The following ADAMTS13 variants were observed in gnomAD, a reference collection of about 807,000 sequenced individuals.
ADAMTS13 encodes A disintegrin and metalloproteinase with thrombospondin motifs 13.
A neutral mutation model predicts 155.1 loss-of-function variants in ADAMTS13; 110 were observed. The observed-to-expected ratio is 0.71, with a 90% CI of 0.61 to 0.83. The LOEUF is 0.83. ADAMTS13 is among the 40% of genes least tolerant of loss of function. ADAMTS13 has a pLI of 0.00. For missense variants in ADAMTS13, 1,707 were observed against 1,891.7 expected (o/e 0.90, Z 1.81); for synonymous variants, 758 against 756.4 (o/e 1.00, Z -0.03).
At chr9:133,426,533 T>C (rs1378995074) in intron 6 of ADAMTS13, among the ~76,000 whole-genome samples, 188 bp downstream of exon 6, 2 of 152,196 alleles carry the variant, frequency 1.3e-5, no homozygotes, top group South Asian at 4.1e-4. Context: ...GAACTTTTTT[T>C]CCAAAAGACG....
rs896530767 is a variant in ADAMTS13 at position 133,445,336 on chromosome 9, C to T, written c.2610+284C>T. 1.3e-5 allele frequency among the ~76,000 whole-genome samples: 2 copies of T among 152,202 alleles called. No homozygotes were observed. Among genetic ancestry groups the T allele is most frequent in the Admixed American group, 6.5e-5 (1 of 15,292 alleles). On this transcript the variant is annotated intron_variant, in intron 20 of 28. Transcript: ENST00000355699. The surrounding 1 kb of genome is among the most constrained non-coding windows in gnomAD (Gnocchi z 5.0). ...GAAATGCTGCCAGGCTCCCGCCTGG[C>T]GTCCAGGGGCTGGAGGCTGACTGGC...
At position 133,445,391 on chromosome 9, in the gene ADAMTS13, C is replaced by G. The variant is rs782545534; in HGVS notation, c.2611-308C>G. On this transcript the variant is annotated intron_variant, in intron 20 of 28. Coordinates refer to ENST00000355699, the MANE Select transcript of ADAMTS13 (RefSeq NM_139027.6). The surrounding 1 kb of genome is among the most constrained non-coding windows in gnomAD (Gnocchi z 5.0). Reference sequence around the variant, plus strand: ...CTCTCTGGCCTGGGTGCTGGCAACCCTCGCCCCTCATGGCTGGGGGGATTG... The same window carrying G: ...CTCTCTGGCCTGGGTGCTGGCAACCGTCGCCCCTCATGGCTGGGGGGATTG... Among the ~76,000 whole-genome samples, 1 of 152,172 alleles carries G rather than the reference C, an allele frequency of 6.6e-6. No individual in the cohort carries two copies. Among genetic ancestry groups the G allele is most frequent in the South Asian group, 2.1e-4 (1 of 4,828 alleles).
chr9:133,432,606 T>A lies in ADAMTS13; in HGVS notation c.1006T>A (p.Ser336Thr). 6.4e-7 allele frequency: 1 copy of A among 1,553,848 alleles called. No homozygotes were observed. The highest frequency in any genetic ancestry group is 8.7e-7 in the Non-Finnish European group (1 of 1,148,484). The part of the protein sequence containing the change: ...REHLDMCQAL[S>T]CHTDPLDQSS... ...CTCCTAGGATATGTGCCAGGCCCTCTCCTGCCACACAGACCCGCTGGACCA... is the reference window on the plus strand; with the variant it reads ...CTCCTAGGATATGTGCCAGGCCCTCACCTGCCACACAGACCCGCTGGACCA... The change falls in exon 9 of 29, where the codon TCC becomes ACC. Residue 336 changes from serine (S) to threonine (T), a missense_variant. By Grantham distance (58) the Ser-to-Thr change is moderately conservative (BLOSUM62 1). Around this residue, in one of 3 missense-constraint regions of ADAMTS13, gnomAD observed 733 missense variants for 749.6 expected, o/e 0.98. Coordinates refer to ENST00000355699, the MANE Select transcript of ADAMTS13 (RefSeq NM_139027.6).
chr9:133,447,979 T>C (rs910366924), intron 21 of ADAMTS13, among the ~76,000 whole-genome samples: 3 of 151,944 alleles, frequency 2.0e-5, no homozygotes, highest in Admixed American at 6.6e-5. Flanking sequence ...GATTTTCATA[T>C]TGTGATTTTT....
Position 133,433,704 on chromosome 9 carries a change from G to C in ADAMTS13, c.1308G>C (p.Gln436His), listed in dbSNP as rs587642546. 11 of 1,613,240 alleles carry C rather than the reference G, an allele frequency of 6.8e-6. No homozygotes were observed. The South Asian group carries it at 1.1e-4, about 16-fold the overall frequency. Residue 436 changes from glutamine to histidine, a missense_variant and splice_region_variant, in exon 11 of 29, where the codon CAG (glutamine) becomes CAC (histidine). Physicochemically the swap from Gln to His is conservative, Grantham distance 24. Coordinates refer to ENST00000355699, the MANE Select transcript of ADAMTS13 (RefSeq NM_139027.6). ...ADLQAEMCNT[Q>H]ACEKTQLEFM... ...TCCAGGCCGAGATGTGCAACACTCA[G>C]GTAGGCCTGCTTCCTGGGGTAGGAG...
intron 6 of ADAMTS13, among the ~76,000 whole-genome samples, chr9:133,428,141 A>G (rs1840405810): frequency 6.7e-6 from 1 of 149,500 alleles, no homozygotes; most frequent in African/African-American, 2.5e-5. Context: ...CTGTTGTGAC[A>G]GTTTGGAAAC....
At position 133,433,540 on chromosome 9, in the gene ADAMTS13, G is replaced by T; in HGVS notation, c.1244+11G>T. 1.9e-6 allele frequency: 3 copies of T among 1,613,700 alleles called. No homozygotes were observed. The highest frequency in any genetic ancestry group is 2.5e-6 in the Non-Finnish European group (3 of 1,179,986). ...GTGCAACAACCCCAGGTACCGCAGG[G>T]AGGGTGCTTTTCTGTCAGGGAGTGT... On this transcript the variant is annotated intron_variant, in intron 10 of 28. Coordinates refer to ENST00000355699, the MANE Select transcript of ADAMTS13 (RefSeq NM_139027.6).
intron 12 of ADAMTS13, among the ~76,000 whole-genome samples, chr9:133,437,158 T>C (rs1002474342): frequency 6.6e-6 from 1 of 152,140 alleles, no homozygotes; most frequent in Admixed American, 6.5e-5. Flanking sequence ...TGAGTCTCAA[T>C]TTCCCATCTG....
Position 133,442,428 on chromosome 9 carries a change from CA to C in ADAMTS13, c.2000del (p.Asn667ThrfsTer31). The C allele has an allele frequency of 2.5e-6, 4 of 1,613,906 alleles. No homozygotes were observed. Among genetic ancestry groups the C allele is most frequent in the Non-Finnish European group, 3.4e-6 (4 of 1,180,038 alleles). On this transcript the variant is annotated frameshift_variant, in exon 17 of 29. Transcript: ENST00000355699. LOFTEE classifies it high-confidence loss of function. Reference protein sequence around the residue: ...VYRRYGEEYGNLTRPDITFTY... With the variant: ...VYRRYGEEYGXLTRPDITFTY... Reference sequence around the variant, plus strand: ...ACAGGCGGTATGGCGAGGAGTATGGCAACCTCACCCGCCCAGACATCACCTT... The same window carrying C: ...ACAGGCGGTATGGCGAGGAGTATGGCACCTCACCCGCCCAGACATCACCTT...
At chr9:133,450,657 G>A (rs887379504) in intron 23 of ADAMTS13, among the ~76,000 whole-genome samples, 1 of 152,130 alleles carries the variant, frequency 6.6e-6, no homozygotes, top group African/African-American at 2.4e-5. Flanking sequence ...GCGGAGGCAG[G>A]AGAATCGCTT....
At position 133,437,808 on chromosome 9, in the gene ADAMTS13, G is replaced by A; in HGVS notation, c.1495G>A (p.Gly499Arg). ...AIGESFIMKR[G>R]DSFLDGTRCM... ...TGGCGAGAGCTTCATCATGAAGCGT[G>A]GAGACAGCTTCCTCGATGGGACCCG... is the stretch of plus-strand genomic sequence containing the variant. The change falls in exon 13 of 29, where the codon GGA becomes AGA. Residue 499 changes from glycine to arginine, a missense_variant. Physicochemically the swap from Gly to Arg is moderately radical, Grantham distance 125. Coordinates refer to ENST00000355699, the MANE Select transcript of ADAMTS13 (RefSeq NM_139027.6). 1 of 1,613,996 alleles carries A rather than the reference G, an allele frequency of 6.2e-7. No homozygotes were observed. The highest frequency in any genetic ancestry group is 8.5e-7 in the Non-Finnish European group (1 of 1,180,042).
rs976789903 is a variant in ADAMTS13, at chr9:133,441,283, C to G, written c.1968+758C>G. Among the ~76,000 whole-genome samples the G allele has an allele frequency of 6.6e-6, 1 of 152,162 alleles. No homozygotes were observed. The highest frequency in any genetic ancestry group is 1.5e-5 in the Non-Finnish European group (1 of 68,020). ...AGAGACAGGAGGGCCTCCCACAGAT[C>G]AGGCCAGGCCGGGCCAAAGCAAGCC... On this transcript the variant is annotated intron_variant, in intron 16 of 28. Transcript: ENST00000355699. This position sits in a 1 kb window ranked among gnomAD's most constrained non-coding sequence, Gnocchi z 5.0.
chr9:133,439,706 A>G (rs1554790140), intron 15 of ADAMTS13, among the ~76,000 whole-genome samples: 1 of 152,250 alleles, frequency 6.6e-6, no homozygotes, highest in Non-Finnish European at 1.5e-5. Flanking sequence ...TCCAACCAGG[A>G]GGCCTGATGT....
At chr9:133,418,672 T>TG (rs1238740836), upstream of ADAMTS13, among the ~76,000 whole-genome samples, 1 of 152,172 alleles carries the variant, frequency 6.6e-6, no homozygotes, top group African/African-American at 2.4e-5. Flanking sequence ...GGTACGTGAC[T>TG]GGGGGCTGCA....
Position 133,440,306 on chromosome 9 carries a change from T to C in ADAMTS13, c.1787-38T>C. ...ATGTGCCTGTGAGGAGGATGGGTGC[T>C]CAGCTCCACACAGCTAACAGGGCTG... On this transcript the variant is annotated intron_variant, in intron 15 of 28. Transcript: ENST00000355699. The surrounding 1 kb of genome is among the most constrained non-coding windows in gnomAD (Gnocchi z 4.3). 6.2e-7 allele frequency: 1 copy of C among 1,612,850 alleles called. No homozygotes were observed. Among genetic ancestry groups the C allele is most frequent in the Non-Finnish European group, 8.5e-7 (1 of 1,179,640 alleles).
chr9:133,417,667 G>A, upstream of ADAMTS13: 2 of 1,614,090 alleles, frequency 1.2e-6, no homozygotes, highest in East Asian at 2.2e-5. Flanking sequence ...GGTGCCTTTG[G>A]AGGTCGCACC....
At chr9:133,442,078 C>T (rs73660490) in intron 16 of ADAMTS13, among the ~76,000 whole-genome samples, 133 of 152,324 alleles carry the variant, frequency 8.7e-4, no homozygotes, top group African/African-American at 3.2e-3. Context: ...TCCCCAGAGC[C>T]TGGTACAGGT....
intron 22 of ADAMTS13, 118 bp downstream of exon 22, chr9:133,448,846 G>T (rs1465826849): frequency 6.1e-6 from 9 of 1,473,088 alleles, no homozygotes; most frequent in Non-Finnish European, 8.2e-6. Context: ...TGTGCACTGT[G>T]TGAGGCTGGA....
chr9:133,436,717 G>A, intron 11 of ADAMTS13, 112 bp from the exon 12 acceptor site: 2 of 1,144,926 alleles, frequency 1.7e-6, no homozygotes, highest in South Asian at 2.7e-5. Flanking sequence ...GCCTGGAGCT[G>A]AGGCCACACC....
Sources: allele counts gnomAD v4.1 joint callset (sites outside exome capture counted in the v4.1 genomes callset), GRCh38; gene constraint gnomAD v4.1.1; regional missense constraint gnomAD v4.1.1; non-coding constraint Gnocchi (gnomAD v3.1); transcripts MANE v1.5; gene names NCBI Gene and HGNC (gene_info 2026-07-23, HGNC 2026-07-21).